Variants in TSPEAR observed in about 807,000 individuals in gnomAD.
TSPEAR encodes thrombospondin type laminin G domain and EAR repeats, also known as thrombospondin-type laminin G domain and EAR repeat-containing protein.
A neutral mutation model predicts 71.6 loss-of-function variants in TSPEAR; 69 were observed. That is an observed-to-expected ratio of 0.96 (90% CI 0.79 to 1.18). The LOEUF is 1.18. Ranked by LOEUF, TSPEAR falls within the 50% of genes most tolerant of loss-of-function variation. The pLI is 0.00. For missense variants in TSPEAR, 971 were observed against 894.9 expected, an observed-to-expected ratio of 1.09 and a Z score of -1.09; for synonymous variants, 402 against 387.2, an observed-to-expected ratio of 1.04 and a Z score of -0.45.
intron 5 of TSPEAR, 101 bp downstream of exon 5, chr21:44,529,697 C>A: frequency 7.3e-7 from 1 of 1,365,848 alleles, no homozygotes; most frequent in East Asian, 2.3e-5. Context: ...GGGGCAGGCA[C>A]ACGAGAGGGG....
chr21:44,638,084 A>C (rs587619686), intron 1 of TSPEAR: 112 of 1,613,018 alleles, frequency 6.9e-5, no homozygotes, highest in Admixed American at 2.5e-4. Flanking sequence ...CTGCTGCCGC[A>C]CGGCCTCCTG....
At chr21:44,613,022 C>T (rs1555931652) in intron 1 of TSPEAR, 17 of 1,251,934 alleles carry the variant, frequency 1.4e-5, no homozygotes, top group South Asian at 1.3e-4. Context: ...TGACCTCTCC[C>T]TCCTTACTCC....
intron 1 of TSPEAR, among the ~76,000 whole-genome samples, chr21:44,647,949 T>C (rs1984538744): frequency 6.6e-6 from 1 of 152,196 alleles, no homozygotes; most frequent in Non-Finnish European, 1.5e-5. Flanking sequence ...CCCCTGCCAG[T>C]CCAAGCTAAA....
intron 9 of TSPEAR, among the ~76,000 whole-genome samples, chr21:44,521,416 G>A (rs2052730383): frequency 6.6e-6 from 1 of 152,220 alleles, no homozygotes; most frequent in Admixed American, 6.5e-5. Context: ...CTTGAGGCCT[G>A]GAGAGGAGCG....
chr21:44,528,434 G>A lies in TSPEAR; in HGVS notation c.922+18C>T. ...AGTGGCCCTGCATGCCAACGCCCCG[G>A]GTGCAGGGCTGCCTCACCTGCTAAC... is the stretch of plus-strand genomic sequence containing the variant. On this transcript the variant is annotated intron_variant, in intron 6 of 11. Coordinates refer to ENST00000323084, the MANE Select transcript of TSPEAR (RefSeq NM_144991.3). The A allele has an allele frequency of 1.2e-6, 2 of 1,613,452 alleles. No individual in the cohort carries two copies. The highest frequency in any genetic ancestry group is 1.7e-6 in the Non-Finnish European group (2 of 1,179,888).
At chr21:44,651,387 C>T (rs1984781863) in intron 1 of TSPEAR, among the ~76,000 whole-genome samples, 1 of 152,168 alleles carries the variant, frequency 6.6e-6, no homozygotes, top group Non-Finnish European at 1.5e-5. Flanking sequence ...TTAGTAGCTT[C>T]GAACAACACG....
intron 1 of TSPEAR, chr21:44,591,873 G>A (rs782532314): frequency 6.3e-7 from 1 of 1,591,824 alleles, no homozygotes; most frequent in Non-Finnish European, 8.5e-7. Flanking sequence ...ATGAGGGTGT[G>A]CAGGAGCTGG....
At chr21:44,657,008 C>G (rs1985188095) in intron 1 of TSPEAR, among the ~76,000 whole-genome samples, 1 of 152,096 alleles carries the variant, frequency 6.6e-6, no homozygotes, top group East Asian at 1.9e-4. Flanking sequence ...GACCAGTTCA[C>G]CTGCACCCAT....
At chr21:44,527,033 G>C (rs782541546) in intron 7 of TSPEAR, among the ~76,000 whole-genome samples, 1 of 152,194 alleles carries the variant, frequency 6.6e-6, no homozygotes, top group African/African-American at 2.4e-5. Flanking sequence ...AGTGACGAGG[G>C]GTCTATGTAG....
intron 1 of TSPEAR, among the ~76,000 whole-genome samples, chr21:44,618,321 G>GT (rs1277564473): frequency 6.6e-6 from 1 of 152,210 alleles, no homozygotes; most frequent in East Asian, 1.9e-4. Context: ...CACCATGACT[G>GT]TAAGTTTCCT....
chr21:44,597,557 C>G (rs782803061), intron 1 of TSPEAR, among the ~76,000 whole-genome samples: 1 of 151,894 alleles, frequency 6.6e-6, no homozygotes, highest in Admixed American at 6.6e-5. Context: ...CTCAGCCTCC[C>G]AAGTAGCTGA....
intron 2 of TSPEAR, among the ~76,000 whole-genome samples, chr21:44,556,759 C>A (rs1341420265): frequency 6.6e-6 from 1 of 152,202 alleles, no homozygotes; most frequent in African/African-American, 2.4e-5. Context: ...TTTGACCCAT[C>A]ATCCTGCTGA....
chr21:44,683,541 T>G (rs1156569715), intron 1 of TSPEAR, among the ~76,000 whole-genome samples: 1 of 152,100 alleles, frequency 6.6e-6, no homozygotes, highest in Non-Finnish European at 1.5e-5. Flanking sequence ...TGGTGGTGCA[T>G]GCTTGTGGTC....
intron 4 of TSPEAR, among the ~76,000 whole-genome samples, 159 bp from the exon 5 acceptor site, chr21:44,530,113 T>G (rs587731121): frequency 3.9e-5 from 6 of 152,346 alleles, no homozygotes; most frequent in African/African-American, 1.4e-4. Context: ...ACATGATGGT[T>G]ACTGAGGAGG....
intron 8 of TSPEAR, among the ~76,000 whole-genome samples, chr21:44,522,355 C>T (rs1314675557): frequency 6.6e-6 from 1 of 152,234 alleles, no homozygotes; most frequent in Non-Finnish European, 1.5e-5. Context: ...CCCCACCGCC[C>T]TTGGGACAGG....
At chr21:44,659,035 G>A (rs1985337426) in intron 1 of TSPEAR, among the ~76,000 whole-genome samples, 1 of 152,180 alleles carries the variant, frequency 6.6e-6, no homozygotes, top group Non-Finnish European at 1.5e-5. Context: ...AGGGGTAGCA[G>A]GAAGTCGAAG....
At chr21:44,667,592 C>T (rs1555945144) in intron 1 of TSPEAR, among the ~76,000 whole-genome samples, 1 of 152,136 alleles carries the variant, frequency 6.6e-6, no homozygotes, top group African/African-American at 2.4e-5. Flanking sequence ...AGCATGTTCC[C>T]AGGGAAGCAT....
At chr21:44,558,746 G>A in intron 2 of TSPEAR, 1 of 1,573,774 alleles carries the variant, frequency 6.4e-7, no homozygotes, top group South Asian at 1.2e-5. Flanking sequence ...AGCTGGGGGA[G>A]ACGTGAGTGA....
chr21:44,651,002 A>T (rs587679393), intron 1 of TSPEAR, among the ~76,000 whole-genome samples: 1 of 152,262 alleles, frequency 6.6e-6, no homozygotes, highest in African/African-American at 2.4e-5. Flanking sequence ...GCGCCCCACC[A>T]GGGAGGGGGC....
Sources: allele counts gnomAD v4.1 joint callset (sites outside exome capture counted in the v4.1 genomes callset), GRCh38; gene constraint gnomAD v4.1.1; transcripts MANE v1.5; gene names NCBI Gene and HGNC (gene_info 2026-07-23, HGNC 2026-07-21).